Variants in ADAM12 observed in about 807,000 individuals in gnomAD.
The protein encoded by ADAM12 is disintegrin and metalloproteinase domain-containing protein 12.
Under a neutral mutation model 106.4 loss-of-function variants are expected in ADAM12, and 70 were observed. The ratio of observed to expected loss-of-function variants is 0.66; its 90% CI spans 0.54 to 0.80. ADAM12 has a LOEUF of 0.80. Among genes scored for constraint, ADAM12 ranks in the 30% least tolerant of loss-of-function variants. The probability of loss-of-function intolerance (pLI) is 0.00; values close to 1 mark genes in which losing one functional copy is unlikely to be tolerated. For missense variants in ADAM12, 1,010 were observed against 1,171.9 expected, an observed-to-expected ratio of 0.86 and a Z score of 2.02; for synonymous variants, 420 against 433.5, an observed-to-expected ratio of 0.97 and a Z score of 0.39.
intron 3 of ADAM12, among the ~76,000 whole-genome samples, chr10:126,251,883 GCA>G (rs1958777474): frequency 7.1e-5 from 4 of 56,682 alleles, no homozygotes; most frequent in Middle Eastern, 0.014. Flanking sequence ...TGGGATGGAT[GCA>G]ATGGATGGAT....
chr10:126,247,169 T>C (rs1382373917), intron 3 of ADAM12, among the ~76,000 whole-genome samples: 1 of 152,214 alleles, frequency 6.6e-6, no homozygotes, highest in African/African-American at 2.4e-5. Flanking sequence ...CATGTCAACC[T>C]TAGTGTATCT....
intron 5 of ADAM12, among the ~76,000 whole-genome samples, chr10:126,121,100 T>C (rs1377777489): frequency 2.5e-5 from 2 of 79,930 alleles, no homozygotes; most frequent in Non-Finnish European, 4.4e-5. Context: ...TAATATACTA[T>C]ATTATATATA....
intron 11 of ADAM12, among the ~76,000 whole-genome samples, chr10:126,074,289 T>C (rs1010816495): frequency 4.6e-5 from 7 of 152,294 alleles, no homozygotes; most frequent in African/African-American, 7.2e-5. Flanking sequence ...GTGGTCTGAA[T>C]TGGCCTGTTT....
At chr10:126,333,093 G>GC (rs1214028461) in intron 1 of ADAM12, among the ~76,000 whole-genome samples, 1 of 152,186 alleles carries the variant, frequency 6.6e-6, no homozygotes, top group Non-Finnish European at 1.5e-5. Context: ...ACGGGCATTG[G>GC]CGTAGTCTTT....
At chr10:126,052,026 T>C (rs547120681) in intron 14 of ADAM12, among the ~76,000 whole-genome samples, 1 of 152,324 alleles carries the variant, frequency 6.6e-6, no homozygotes, top group South Asian at 2.1e-4. Context: ...ACAAGAAAAT[T>C]AGCACATCAG....
chr10:126,264,364 A>G (rs1959058453), intron 3 of ADAM12, among the ~76,000 whole-genome samples: 1 of 152,202 alleles, frequency 6.6e-6, no homozygotes, highest in Non-Finnish European at 1.5e-5. Context: ...GGCTGTGAAA[A>G]TAACTCTTTC....
At chr10:126,275,603 C>T (rs1017098189) in intron 3 of ADAM12, among the ~76,000 whole-genome samples, 6 of 152,142 alleles carry the variant, frequency 3.9e-5, no homozygotes, top group Non-Finnish European at 5.9e-5. Context: ...GTTGTGGTTT[C>T]TAAGCAGGTT....
intron 3 of ADAM12, among the ~76,000 whole-genome samples, chr10:126,226,195 G>T (rs1278302753): frequency 6.6e-6 from 1 of 151,076 alleles, no homozygotes; most frequent in African/African-American, 2.4e-5. Context: ...GTGGTGGGGG[G>T]AGGGGGCGGG....
chr10:126,214,840 C>T (rs1444656934), intron 3 of ADAM12, among the ~76,000 whole-genome samples: 4 of 152,194 alleles, frequency 2.6e-5, no homozygotes, highest in Non-Finnish European at 4.4e-5. Context: ...ATGGGACCCT[C>T]GGCCCAGCCC....
At chr10:126,031,507 A>G (rs944351768) in intron 21 of ADAM12, among the ~76,000 whole-genome samples, 2 of 152,238 alleles carry the variant, frequency 1.3e-5, no homozygotes, top group African/African-American at 4.8e-5. Context: ...CTTTGCTCAC[A>G]TCTGCATCCT....
intron 11 of ADAM12, among the ~76,000 whole-genome samples, chr10:126,077,564 G>T (rs1955126345): frequency 6.6e-6 from 1 of 152,112 alleles, no homozygotes; most frequent in Non-Finnish European, 1.5e-5. Context: ...CAATGGAACA[G>T]AATAGAGACC....
At chr10:126,172,835 T>C (rs1957143498) in intron 3 of ADAM12, among the ~76,000 whole-genome samples, 1 of 152,274 alleles carries the variant, frequency 6.6e-6, no homozygotes, top group Non-Finnish European at 1.5e-5. Context: ...TTGTTCACAA[T>C]AGCAAAGACT....
At chr10:126,024,085 C>G (rs1953822167) in intron 21 of ADAM12, among the ~76,000 whole-genome samples, 1 of 152,084 alleles carries the variant, frequency 6.6e-6, no homozygotes, top group African/African-American at 2.4e-5. Flanking sequence ...AAGAGAACTT[C>G]TAGAAGCAAA....
At chr10:126,102,224 A>AG (rs1476399479) in intron 8 of ADAM12, among the ~76,000 whole-genome samples, 1 of 152,088 alleles carries the variant, frequency 6.6e-6, no homozygotes, top group Non-Finnish European at 1.5e-5. Flanking sequence ...CTCATGGTTG[A>AG]GGGGGCTAGG....
At chr10:126,068,721 C>A (rs1441295912) in intron 12 of ADAM12, among the ~76,000 whole-genome samples, 1 of 152,218 alleles carries the variant, frequency 6.6e-6, no homozygotes, top group African/African-American at 2.4e-5. Flanking sequence ...GAGACACATT[C>A]TTCATCTGCT....
At chr10:126,191,120 G>A (rs1565126881) in intron 3 of ADAM12, among the ~76,000 whole-genome samples, 2 of 148,474 alleles carry the variant, frequency 1.3e-5, no homozygotes, top group African/African-American at 2.5e-5. Context: ...TCATGCCTCA[G>A]CCTTCTGAGT....
At chr10:126,321,404 A>C (rs1003674101) in intron 2 of ADAM12, among the ~76,000 whole-genome samples, 2 of 152,170 alleles carry the variant, frequency 1.3e-5, no homozygotes, top group African/African-American at 4.8e-5. Context: ...AAACAATTTA[A>C]AAGTATGATA....
At chr10:126,222,280 C>T (rs951362205) in intron 3 of ADAM12, among the ~76,000 whole-genome samples, 2 of 151,972 alleles carry the variant, frequency 1.3e-5, no homozygotes, top group African/African-American at 4.8e-5. Context: ...AAAAAAGCAC[C>T]TCATTCAGGG....
intron 21 of ADAM12, among the ~76,000 whole-genome samples, chr10:126,022,948 A>C (rs1231102006): frequency 6.6e-6 from 1 of 152,218 alleles, no homozygotes; most frequent in East Asian, 1.9e-4. Context: ...TAGAGGTTTC[A>C]AAACAATTTT....
Sources: gnomAD v4.1 joint callset for allele counts (sites outside exome capture counted in the v4.1 genomes callset) on GRCh38, gnomAD v4.1.1 for gene constraint, MANE v1.5 for transcripts, NCBI Gene and HGNC (gene_info 2026-07-23, HGNC 2026-07-21) for gene names.